The following GTF2A1L variants were observed in gnomAD, a reference collection of about 807,000 sequenced individuals.
GTF2A1L encodes the protein general transcription factor IIA subunit 1 like, also known as TFIIA-alpha and beta-like factor.
A neutral mutation model predicts 49.7 loss-of-function variants in GTF2A1L; 48 were observed. That is an observed-to-expected ratio of 0.97 (90% CI 0.77 to 1.23). The LOEUF (loss-of-function observed/expected upper bound fraction) is 1.23. Ranked by LOEUF, GTF2A1L falls within the 50% of genes most tolerant of loss-of-function variation. The pLI is 0.00. For synonymous variants in GTF2A1L, 246 were observed against 193.5 expected, an observed-to-expected ratio of 1.27 and a Z score of -2.25; for missense variants, 736 against 564.8, an observed-to-expected ratio of 1.30 and a Z score of -3.07.
intron 3 of GTF2A1L, among the ~76,000 whole-genome samples, chr2:48,638,067 C>T: frequency 6.6e-6 from 1 of 152,046 alleles, no homozygotes; most frequent in East Asian, 1.9e-4. Flanking sequence ...ATAAGGAACT[C>T]CAAAATTGAA....
chr2:48,624,107 T>C (rs1203594121), intron 3 of GTF2A1L, among the ~76,000 whole-genome samples: 2 of 104,852 alleles, frequency 1.9e-5, no homozygotes, highest in Non-Finnish European at 4.8e-5. Flanking sequence ...ATTTGTGTAG[T>C]AATTTCCTGT....
intron 6 of GTF2A1L, 133 bp downstream of exon 6, chr2:48,647,175 C>G: frequency 4.6e-6 from 4 of 876,606 alleles, no homozygotes; most frequent in Non-Finnish European, 6.5e-6. Flanking sequence ...AAGATTATTT[C>G]TTTTTTCTAG....
At chr2:48,622,538 G>A (rs188798342) in intron 3 of GTF2A1L, among the ~76,000 whole-genome samples, 1 of 152,246 alleles carries the variant, frequency 6.6e-6, no homozygotes, top group East Asian at 1.9e-4. Context: ...TGAGGGTGTG[G>A]TGGGTATGGA....
chr2:48,653,504 A>G (rs1677986010), intron 6 of GTF2A1L, among the ~76,000 whole-genome samples: 1 of 152,174 alleles, frequency 6.6e-6, no homozygotes, highest in South Asian at 2.1e-4. Flanking sequence ...ATTAGACACT[A>G]TCATGCAGCA....
intron 6 of GTF2A1L, among the ~76,000 whole-genome samples, chr2:48,662,293 CTAAAAT>C (rs1426531485): frequency 6.6e-6 from 1 of 152,142 alleles, no homozygotes; most frequent in Non-Finnish European, 1.5e-5. Context: ...CAATTATAAA[CTAAAAT>C]TATGTTAACA....
intron 1 of GTF2A1L, 99 bp from the exon 2 acceptor site, chr2:48,620,752 G>T: frequency 1.3e-6 from 1 of 747,732 alleles, no homozygotes; most frequent in East Asian, 7.5e-5. Flanking sequence ...ACTCCAGCCT[G>T]GGCAACAGAG....
Position 48,646,639 on chromosome 2 carries a change from C to T in GTF2A1L, c.575C>T (p.Thr192Ile), listed in dbSNP as rs778944682. ...ACTGAAAAATCACAGAGAATTGAAA[C>T]CGTGCTACAGCAACCCGCAATTCTA... The part of the protein sequence containing the change: ...ATTEKSQRIE[T>I]VLQQPAILPS... Residue 192 changes from threonine to isoleucine, a missense_variant, in exon 6 of 9, where the codon ACC becomes ATC. Physicochemically the swap from Thr to Ile is moderately conservative, Grantham distance 89. Coordinates refer to ENST00000403751, the MANE Select transcript of GTF2A1L (RefSeq NM_006872.5). 18 of 1,613,926 alleles carry T rather than the reference C, an allele frequency of 1.1e-5. No homozygotes were observed. Among genetic ancestry groups the T allele is most frequent in the Middle Eastern group, 1.6e-4 (1 of 6,084 alleles).
At chr2:48,641,445 G>T (rs750857044) in intron 3 of GTF2A1L, among the ~76,000 whole-genome samples, 54 of 152,050 alleles carry the variant, frequency 3.6e-4, no homozygotes, top group Admixed American at 2.0e-4. Flanking sequence ...CTAATGTCAG[G>T]AACAGATCTT....
At chr2:48,663,382 A>G (rs368151008) in intron 6 of GTF2A1L, among the ~76,000 whole-genome samples, 75 of 152,224 alleles carry the variant, frequency 4.9e-4, no homozygotes, top group African/African-American at 1.8e-3. Context: ...GCTGCAGTAA[A>G]CTGAGATTGG....
intron 8 of GTF2A1L, among the ~76,000 whole-genome samples, chr2:48,677,823 C>A (rs533006226): frequency 2.6e-4 from 40 of 151,994 alleles, no homozygotes; most frequent in African/African-American, 9.4e-4. Flanking sequence ...ACTGATGGAT[C>A]TGGATATGGG....
chr2:48,622,886 A>G (rs1401287380), intron 3 of GTF2A1L, among the ~76,000 whole-genome samples: 1 of 151,942 alleles, frequency 6.6e-6, no homozygotes, highest in African/African-American at 2.4e-5. Context: ...GTCATTCAAA[A>G]TTGCAATACT....
chr2:48,636,921 T>C (rs1676925845), intron 3 of GTF2A1L, among the ~76,000 whole-genome samples: 2 of 152,154 alleles, frequency 1.3e-5, no homozygotes, highest in African/African-American at 4.8e-5. Flanking sequence ...CTTTTTAAAA[T>C]GATACTATCA....
chr2:48,666,988 GAGTCT>G (rs1678881138), intron 6 of GTF2A1L, among the ~76,000 whole-genome samples: 1 of 151,982 alleles, frequency 6.6e-6, no homozygotes, highest in Non-Finnish European at 1.5e-5. Context: ...TTTTTGAGAA[GAGTCT>G]CACTCTGTCA....
chr2:48,677,983 G>GTA (rs1308385748), intron 8 of GTF2A1L, among the ~76,000 whole-genome samples: 1 of 71,158 alleles, frequency 1.4e-5, no homozygotes, highest in Non-Finnish European at 3.3e-5. Flanking sequence ...AGATGGGTGT[G>GTA]TGTGTGTGTG....
intron 8 of GTF2A1L, among the ~76,000 whole-genome samples, chr2:48,679,030 A>G (rs1207000157): frequency 7.4e-6 from 1 of 134,814 alleles, no homozygotes; most frequent in Non-Finnish European, 1.6e-5. Flanking sequence ...TTCCCTATTA[A>G]AATGTAAACT....
At chr2:48,667,125 T>A (rs987432797) in intron 6 of GTF2A1L, among the ~76,000 whole-genome samples, 1 of 151,170 alleles carries the variant, frequency 6.6e-6, no homozygotes, top group South Asian at 2.1e-4. Flanking sequence ...ATTTTTTTTT[T>A]TTTTTGTATT....
chr2:48,646,530 C>G lies in GTF2A1L; in HGVS notation c.466C>G (p.Gln156Glu), dbSNP rs139559697. The change falls in exon 6 of 9, where the codon CAG becomes GAG. Residue 156 changes from glutamine to glutamate, a missense_variant. By Grantham distance (29) the Gln-to-Glu change is conservative. Transcript: ENST00000403751. ...AGCAGGTATTCTTCAGCATCCAATT[C>G]AGCAAGTATTTCAACAGCTTGGCCA... ...GRAGILQHPI[Q>E]QVFQQLGQPS... is the part of the protein sequence containing the mutation. 3 of 1,614,142 alleles carry G rather than the reference C, an allele frequency of 1.9e-6. No individual in the cohort carries two copies. Among genetic ancestry groups the G allele is most frequent in the Non-Finnish European group, 2.5e-6 (3 of 1,180,020 alleles).
At position 48,628,256 on chromosome 2, in the gene GTF2A1L, G is replaced by A. The variant is rs190211081; in HGVS notation, c.247+6966G>A. On this transcript the variant is annotated intron_variant, in intron 3 of 8. Coordinates refer to ENST00000403751, the MANE Select transcript of GTF2A1L (RefSeq NM_006872.5). ...ATATATAGCCAATAATGGGATTGCT[G>A]GGTCAAATGGTAGTTCTATTTTAAG... is the stretch of plus-strand genomic sequence containing the variant. Among the ~76,000 whole-genome samples, 17 of 144,036 alleles carry A rather than the reference G, an allele frequency of 1.2e-4. 1 individual carries two copies. The highest frequency in any genetic ancestry group is 3.9e-4 in the African/African-American group (16 of 40,578). The allele number at this position is 144,036 out of a possible 152,430, so 94.5% of individuals were successfully genotyped here.
chr2:48,643,822 C>G (rs1035190830), intron 4 of GTF2A1L, among the ~76,000 whole-genome samples: 1 of 150,864 alleles, frequency 6.6e-6, no homozygotes, highest in Non-Finnish European at 1.5e-5. Flanking sequence ...GCTTCAGCCT[C>G]CCGAGTAACG....
Sources: gnomAD v4.1 joint callset for allele counts (sites outside exome capture counted in the v4.1 genomes callset) on GRCh38, gnomAD v4.1.1 for gene constraint, MANE v1.5 for transcripts, NCBI Gene and HGNC (gene_info 2026-07-23, HGNC 2026-07-21) for gene names.